The following CEP85 variants were observed in gnomAD, a reference collection of about 807,000 sequenced individuals.
CEP85 encodes centrosomal protein of 85 kDa.
A neutral mutation model predicts 93.7 loss-of-function variants in CEP85; 58 were observed. The ratio of observed to expected loss-of-function variants is 0.62; its 90% confidence interval spans 0.50 to 0.77. CEP85 has a LOEUF of 0.77. CEP85 is among the 30% of genes least tolerant of loss of function. The pLI is 0.00. For missense variants in CEP85, 868 were observed against 922.0 expected (o/e 0.94, Z 0.76); for synonymous variants, 314 against 338.6 (o/e 0.93, Z 0.80).
intron 10 of CEP85, chr1:26,271,417 C>T: frequency 4.1e-6 from 1 of 244,854 alleles, no homozygotes; most frequent in Non-Finnish European, 8.0e-6. Context: ...TGGCTCAGGC[C>T]CATACAGAAA....
intron 2 of CEP85, among the ~76,000 whole-genome samples, chr1:26,242,494 A>G (rs769161782): frequency 7.9e-5 from 12 of 152,228 alleles, no homozygotes; most frequent in Non-Finnish European, 1.5e-4. Context: ...TCAGGCAGTC[A>G]CTGTGATCCA....
intron 13 of CEP85, 105 bp downstream of exon 13, chr1:26,276,865 C>A: frequency 1.1e-6 from 1 of 947,728 alleles, no homozygotes. Context: ...AGACAGAGTA[C>A]ATAGTCCTGG....
intron 3 of CEP85, among the ~76,000 whole-genome samples, chr1:26,250,925 CTTTTTTCTTTTTTTTTTTTTTTT>C (rs1158294968): frequency 3.6e-5 from 2 of 55,160 alleles, no homozygotes; most frequent in East Asian, 5.8e-4. Flanking sequence ...TTTTTTTTTT[CTTTTTTCTTTTTTTTTTTTTTTT>C]TTTTTTTTTT....
chr1:26,257,815 G>A, intron 5 of CEP85, 85 bp downstream of exon 5: 1 of 1,462,794 alleles, frequency 6.8e-7, no homozygotes, highest in South Asian at 1.2e-5. Context: ...CAAGGGCAAA[G>A]CATTCCTCCT....
In CEP85 at chr1:26,255,662, G is replaced by C. The variant is rs1889739; in HGVS notation, c.700G>C (p.Val234Leu). ...EAKKAPGSGA[V>L]FERNGPHSNS... ...CAAGAAGGCACCGGGCAGCGGGGCA[G>C]TGTTTGAGCGGAATGGACCACATTC... The change falls in exon 4 of 14, where the codon GTG (valine) becomes CTG (leucine). Residue 234 changes from valine (V) to leucine (L), a missense_variant. By Grantham distance (32) the Val-to-Leu change is conservative (BLOSUM62 1). Transcript: ENST00000451429. The C allele has an allele frequency of 3.2e-4, 514 of 1,614,036 alleles. No homozygotes were observed. The highest frequency in any genetic ancestry group is 4.0e-4 in the Non-Finnish European group (468 of 1,180,030).
At position 26,271,100 on chromosome 1, in the gene CEP85, TC is replaced by T. The variant is rs1337565614; in HGVS notation, c.1738del (p.Gln580LysfsTer21). 1.4e-5 allele frequency: 23 copies of T among 1,607,498 alleles called. No homozygotes were observed. Among genetic ancestry groups the T allele is most frequent in the Non-Finnish European group, 1.9e-5 (22 of 1,174,178 alleles). ...MESWQKRYDSLQKIVEKQQQK... is the reference protein window; with the variant it reads ...MESWQKRYDSXQKIVEKQQQK... ...TCCTGGCAGAAGCGATACGATTCGC[TC>T]CAAAAGGTGACTGAGGGTGTCCAGG... On this transcript the variant is annotated frameshift_variant, in exon 10 of 14. Coordinates refer to ENST00000451429, the MANE Select transcript of CEP85 (RefSeq NM_001319944.2). LOFTEE classifies it high-confidence loss of function.
At chr1:26,258,338 C>T in intron 6 of CEP85, 78 bp downstream of exon 6, 1 of 918,648 alleles carries the variant, frequency 1.1e-6, no homozygotes, top group South Asian at 1.4e-5. Context: ...ATTAGGTATC[C>T]AGGAGATAGA....
At chr1:26,271,199 G>T in intron 10 of CEP85, 92 bp downstream of exon 10, 2 of 755,920 alleles carry the variant, frequency 2.6e-6, no homozygotes, top group Non-Finnish European at 4.6e-6. Context: ...CTTGGCTTTG[G>T]GCTATCTAGG....
chr1:26,255,663 T>C lies in CEP85; in HGVS notation c.701T>C (p.Val234Ala). 6.2e-7 allele frequency: 1 copy of C among 1,613,840 alleles called. No individual in the cohort carries two copies. The highest frequency in any genetic ancestry group is 1.3e-5 in the African/African-American group (1 of 74,940). Residue 234 changes from valine to alanine, a missense_variant, in exon 4 of 14, where the codon GTG becomes GCG. Transcript: ENST00000451429. Reference sequence around the variant, plus strand: ...AAGAAGGCACCGGGCAGCGGGGCAGTGTTTGAGCGGAATGGACCACATTCT... The same window carrying C: ...AAGAAGGCACCGGGCAGCGGGGCAGCGTTTGAGCGGAATGGACCACATTCT... ...EAKKAPGSGA[V>A]FERNGPHSNS...
At position 26,277,048 on chromosome 1, in the gene CEP85, G is replaced by A. The variant is rs912343319; in HGVS notation, c.2129-88G>A. Reference sequence around the variant, plus strand: ...TAAAGTGCATGTCCCAAGACTGTGGGTTCAAGATACTGCCTATCCATACTG... The same window carrying A: ...TAAAGTGCATGTCCCAAGACTGTGGATTCAAGATACTGCCTATCCATACTG... On this transcript the variant is annotated intron_variant, in intron 13 of 13. Coordinates refer to ENST00000451429, the MANE Select transcript of CEP85 (RefSeq NM_001319944.2). 22 of 1,352,230 alleles carry A rather than the reference G, an allele frequency of 1.6e-5. No homozygotes were observed. The Admixed American group carries it at 4.1e-4, about 25-fold the overall frequency. 83.8% of individuals were successfully genotyped at this position (1,352,230 alleles called of 1,614,324 possible).
At chr1:26,246,196 A>C (rs1263606778) in intron 3 of CEP85, among the ~76,000 whole-genome samples, 4 of 152,196 alleles carry the variant, frequency 2.6e-5, no homozygotes. Flanking sequence ...GCAGTTCCTC[A>C]AAAGGTTAAA....
At chr1:26,270,494 T>C (rs552226488) in intron 9 of CEP85, among the ~76,000 whole-genome samples, 1 of 152,338 alleles carries the variant, frequency 6.6e-6, no homozygotes, top group African/African-American at 2.4e-5. Context: ...TCTAATGGGA[T>C]AGATTGGATT....
chr1:26,247,567 CA>C (rs911401721), intron 3 of CEP85, among the ~76,000 whole-genome samples: 15 of 144,274 alleles, frequency 1.0e-4, no homozygotes, highest in Non-Finnish European at 1.4e-4. Context: ...ATCTTGTCTC[CA>C]AAAAAAAAAG....
chr1:26,274,569 T>C (rs1363352651), intron 11 of CEP85, among the ~76,000 whole-genome samples: 1 of 152,188 alleles, frequency 6.6e-6, no homozygotes, highest in East Asian at 1.9e-4. Context: ...GGAGGTTTCC[T>C]GGAGGTAACA....
chr1:26,245,401 C>T (rs1413340255), intron 3 of CEP85, among the ~76,000 whole-genome samples: 1 of 152,042 alleles, frequency 6.6e-6, no homozygotes, highest in African/African-American at 2.4e-5. Flanking sequence ...GTATGCGATG[C>T]CTGCCTCCTC....
At position 26,268,849 on chromosome 1, in the gene CEP85, A is replaced by G. The variant is rs1405451257; in HGVS notation, c.1494+214A>G. On this transcript the variant is annotated intron_variant, in intron 8 of 13. Coordinates refer to ENST00000451429, the MANE Select transcript of CEP85 (RefSeq NM_001319944.2). ...CTTCCTTATGTTAAAGTGAACCCCA[A>G]GTTTCTCTTCAAAGAATCAGTAAGT... 2.0e-5 allele frequency among the ~76,000 whole-genome samples: 3 copies of G among 152,342 alleles called. No individual in the cohort carries two copies. In the East Asian group the frequency reaches 5.8e-4, roughly 29 times the overall value.
At chr1:26,255,078 C>T (rs2089674437) in intron 3 of CEP85, 93 bp from the exon 4 acceptor site, 2 of 1,036,900 alleles carry the variant, frequency 1.9e-6, no homozygotes, top group South Asian at 3.0e-5. Flanking sequence ...TCTGCTTGGT[C>T]TCAGGACAGG....
chr1:26,245,938 G>C (rs966624624), intron 3 of CEP85, among the ~76,000 whole-genome samples: 1 of 151,686 alleles, frequency 6.6e-6, no homozygotes, highest in African/African-American at 2.4e-5. Context: ...TTGAGCCCAG[G>C]AGTTTGAGAC....
chr1:26,254,475 G>A (rs1030702447), intron 3 of CEP85: 3 of 152,094 alleles, frequency 2.0e-5, no homozygotes, highest in Non-Finnish European at 4.4e-5. Context: ...CAAGTGAAAG[G>A]CAAAATATAA....
Sources: gnomAD v4.1 joint callset for allele counts (sites outside exome capture counted in the v4.1 genomes callset) on GRCh38, gnomAD v4.1.1 for gene constraint, MANE v1.5 for transcripts, NCBI Gene and HGNC (gene_info 2026-07-23, HGNC 2026-07-21) for gene names.